Variants in SYK observed in about 807,000 individuals in gnomAD.
The protein encoded by SYK is tyrosine-protein kinase SYK.
SYK carries 16 observed loss-of-function variants against 77.8 expected under a neutral mutation model. The observed-to-expected ratio is 0.21, with a 90% confidence interval of 0.14 to 0.31. The LOEUF is 0.31. Ranked by LOEUF, SYK falls within the 10% of genes least tolerant of loss-of-function variation. SYK has a pLI of 1.00. For synonymous variants in SYK, 312 were observed against 308.7 expected, an observed-to-expected ratio of 1.01 and a Z score of -0.11; for missense variants, 529 against 814.4, an observed-to-expected ratio of 0.65 and a Z score of 4.26.
chr9:90,883,013 A>G (rs1828215833), intron 11 of SYK, among the ~76,000 whole-genome samples: 1 of 152,194 alleles, frequency 6.6e-6, no homozygotes, highest in Non-Finnish European at 1.5e-5. Flanking sequence ...ATTGCTCCAT[A>G]GAGGGAACTC....
chr9:90,817,484 T>A (rs1220435087), intron 1 of SYK, among the ~76,000 whole-genome samples: 1 of 152,218 alleles, frequency 6.6e-6, no homozygotes, highest in Non-Finnish European at 1.5e-5. Context: ...TTTCCCTGCT[T>A]GATATAATAG....
chr9:90,847,669 A>G (rs1826650125), intron 3 of SYK, among the ~76,000 whole-genome samples: 1 of 152,240 alleles, frequency 6.6e-6, no homozygotes, highest in Non-Finnish European at 1.5e-5. Flanking sequence ...CCTGGGCAGC[A>G]AGACCCAGCT....
intron 1 of SYK, among the ~76,000 whole-genome samples, chr9:90,840,569 A>T (rs1026089880): frequency 1.3e-5 from 2 of 151,678 alleles, no homozygotes; most frequent in African/African-American, 4.8e-5. Context: ...AAAAAAAAAA[A>T]AAAAAAACTG....
intron 1 of SYK, among the ~76,000 whole-genome samples, chr9:90,841,236 G>A (rs1826308901): frequency 6.6e-6 from 1 of 151,612 alleles, no homozygotes; most frequent in Non-Finnish European, 1.5e-5. Context: ...TGTGTATGTA[G>A]TTTGTGTGTG....
intron 5 of SYK, 78 bp from the exon 6 acceptor site, chr9:90,864,970 T>C: frequency 7.2e-7 from 1 of 1,395,422 alleles, no homozygotes; most frequent in Non-Finnish European, 1.0e-6. Context: ...CTGATCTCAT[T>C]GATTGATCTG....
Position 90,812,250 on chromosome 9 carries a change from A to G in SYK, c.-42+10357A>G, listed in dbSNP as rs1825109977. Among the ~76,000 whole-genome samples, 3 of 152,334 alleles carry G rather than the reference A, an allele frequency of 2.0e-5. No individual in the cohort carries two copies. In the South Asian group the frequency reaches 6.2e-4, roughly 32 times the overall value. On this transcript the variant is annotated intron_variant, in intron 1 of 13. Coordinates refer to ENST00000375754, the MANE Select transcript of SYK (RefSeq NM_003177.7). Reference sequence around the variant, plus strand: ...GTACTTTTTTCAATTTAGAAAAATGATAATAATAAGGTTTGCTTGGGGGGA... The same window carrying G: ...GTACTTTTTTCAATTTAGAAAAATGGTAATAATAAGGTTTGCTTGGGGGGA...
chr9:90,873,532 CAAAT>C (rs899666827), intron 7 of SYK, among the ~76,000 whole-genome samples: 1 of 151,962 alleles, frequency 6.6e-6, no homozygotes, highest in African/African-American at 2.4e-5. Context: ...TGATGTGGAC[CAAAT>C]AAATACCTGT....
Position 90,884,429 on chromosome 9 carries a change from A to G in SYK, c.1582-3320A>G, listed in dbSNP as rs116506683. Among the ~76,000 whole-genome samples, 192 of 50,052 alleles carry G rather than the reference A, an allele frequency of 3.8e-3. 28 individuals are homozygous for G. Among genetic ancestry groups the G allele is most frequent in the Admixed American group, 5.1e-3 (17 of 3,326 alleles). 32.8% of individuals were successfully genotyped at this position (50,052 alleles called of 152,430 possible). A position where few individuals can be genotyped will look rare whatever the true frequency, so the allele number is the denominator to read the frequency against. ...TGTGTATATATACATACATATACAC[A>G]TATGTGTGTACATATACATACACAT... On this transcript the variant is annotated intron_variant, in intron 11 of 13. Transcript: ENST00000375754.
At chr9:90,814,095 CA>C (rs1196092193) in intron 1 of SYK, among the ~76,000 whole-genome samples, 1 of 147,440 alleles carries the variant, frequency 6.8e-6, no homozygotes, top group Non-Finnish European at 1.6e-5. Context: ...AGTTATTTCT[CA>C]TATTGTAATA....
At chr9:90,854,020 C>A (rs909583737) in intron 3 of SYK, among the ~76,000 whole-genome samples, 1 of 152,012 alleles carries the variant, frequency 6.6e-6, no homozygotes, top group East Asian at 1.9e-4. Flanking sequence ...AGTGGGTGTG[C>A]AGGAGCCCGG....
chr9:90,817,882 T>TGTGTGAGA (rs1302553724), intron 1 of SYK, among the ~76,000 whole-genome samples: 27 of 66,862 alleles, frequency 4.0e-4, no homozygotes, highest in African/African-American at 1.5e-3. Context: ...TGTGTGTGTG[T>TGTGTGAGA]GAGAGAGAGA....
intron 3 of SYK, among the ~76,000 whole-genome samples, chr9:90,855,416 G>C (rs972575999): frequency 3.9e-5 from 6 of 152,106 alleles, no homozygotes; most frequent in South Asian, 2.1e-4. Context: ...GTGTCCCCAG[G>C]CTGGGTCCCA....
At chr9:90,886,815 A>G (rs1828595880) in intron 11 of SYK, among the ~76,000 whole-genome samples, 1 of 152,256 alleles carries the variant, frequency 6.6e-6, no homozygotes, top group Non-Finnish European at 1.5e-5. Context: ...TATCAAAGGG[A>G]CACATACACT....
Position 90,895,270 on chromosome 9 carries a change from G to A in SYK, c.1836-258G>A, listed in dbSNP as rs1269515756. The stretch of plus-strand genomic sequence containing the variant: ...CTAATGCAAAAAGTCTCCTACTTTA[G>A]GGTGGACATGAATCACCGGGAGGTC... On this transcript the variant is annotated intron_variant, in intron 13 of 13. Transcript: ENST00000375754. This position sits in a 1 kb window ranked among gnomAD's most constrained non-coding sequence, Gnocchi z 4.4. Among the ~76,000 whole-genome samples the A allele has an allele frequency of 6.6e-6, 1 of 152,202 alleles. No homozygotes were observed. Among genetic ancestry groups the A allele is most frequent in the Non-Finnish European group, 1.5e-5 (1 of 68,038 alleles).
chr9:90,871,124 A>G (rs1441753428), intron 7 of SYK, among the ~76,000 whole-genome samples: 18 of 152,228 alleles, frequency 1.2e-4, no homozygotes. Context: ...AACTGGACTT[A>G]TTATTGCAGA....
chr9:90,814,771 G>A (rs575268051), intron 1 of SYK, among the ~76,000 whole-genome samples: 9 of 152,030 alleles, frequency 5.9e-5, no homozygotes, highest in Non-Finnish European at 1.2e-4. Context: ...TGTCCATGGG[G>A]CCCTGGCCTG....
chr9:90,850,767 A>G (rs1468981974), intron 3 of SYK, among the ~76,000 whole-genome samples: 4 of 129,082 alleles, frequency 3.1e-5, no homozygotes, highest in South Asian at 2.4e-4. Flanking sequence ...TTGGACTAAA[A>G]GGTAAAAAAA....
chr9:90,851,003 G>A (rs1434672649), intron 3 of SYK, among the ~76,000 whole-genome samples: 1 of 152,200 alleles, frequency 6.6e-6, no homozygotes, highest in Non-Finnish European at 1.5e-5. Context: ...AACTATATGT[G>A]AAATCCACTT....
At chr9:90,859,184 A>G (rs983161315) in intron 3 of SYK, among the ~76,000 whole-genome samples, 1 of 152,258 alleles carries the variant, frequency 6.6e-6, no homozygotes, top group African/African-American at 2.4e-5. Flanking sequence ...TGCACCCAGC[A>G]TTGCAGGAGA....
Sources: gnomAD v4.1 joint callset for allele counts (sites outside exome capture counted in the v4.1 genomes callset) on GRCh38, gnomAD v4.1.1 for gene constraint, Gnocchi (gnomAD v3.1) non-coding constraint, MANE v1.5 for transcripts, NCBI Gene and HGNC (gene_info 2026-07-23, HGNC 2026-07-21) for gene names.